HFM1: variants seen among roughly 807,000 people sequenced by gnomAD.
The protein encoded by HFM1 is probable ATP-dependent DNA helicase HFM1.
HFM1 carries 169 observed loss-of-function variants against 192.1 expected under a neutral mutation model. The ratio of observed to expected loss-of-function variants is 0.88; its 90% confidence interval spans 0.78 to 1.00. The LOEUF (loss-of-function observed/expected upper bound fraction) is 1.00. HFM1 is among the 50% of genes least tolerant of loss of function. The pLI is 0.00. For missense variants in HFM1, 1,661 were observed against 1,668.0 expected, an observed-to-expected ratio of 1.00 and a Z score of 0.07; for synonymous variants, 525 against 537.8, an observed-to-expected ratio of 0.98 and a Z score of 0.33.
chr1:91,300,142 A>T (rs1428310867), intron 30 of HFM1, among the ~76,000 whole-genome samples: 1 of 152,186 alleles, frequency 6.6e-6, no homozygotes, highest in East Asian at 1.9e-4. Flanking sequence ...ACCATCAGAG[A>T]ATACTATAAA....
rs558557477 is a variant in HFM1 at position 91,323,300 on chromosome 1, A to T, written c.2428-101T>A. Reference sequence around the variant, plus strand: ...ATTTTTCATACTGCCTTAAACCATCACAGTTTTATCAATGAACATAACAGA... The same window carrying T: ...ATTTTTCATACTGCCTTAAACCATCTCAGTTTTATCAATGAACATAACAGA... On this transcript the variant is annotated intron_variant, in intron 21 of 38. Coordinates refer to ENST00000370425, the MANE Select transcript of HFM1 (RefSeq NM_001017975.6). 27 of 709,764 alleles carry T rather than the reference A, an allele frequency of 3.8e-5. No individual in the cohort carries two copies. In the East Asian group the frequency reaches 7.2e-4, roughly 19 times the overall value. 44.0% of individuals were successfully genotyped at this position (709,764 alleles called of 1,614,324 possible).
rs1663647115 is a variant in HFM1 at position 91,396,296 on chromosome 1, A to G, written c.181T>C (p.Leu61=). 6.9e-7 allele frequency: 1 copy of G among 1,458,404 alleles called. No individual in the cohort carries two copies. Among genetic ancestry groups the G allele is most frequent in the Non-Finnish European group, 9.6e-7 (1 of 1,047,052 alleles). 90.3% of individuals were successfully genotyped at this position (1,458,404 alleles called of 1,614,324 possible). Reference sequence around the variant, plus strand: ...AAACAAATATGTGATAATTTACCTAACAGTTTATGACTTTCTAATTCTTCC... The same window carrying G: ...AAACAAATATGTGATAATTTACCTAGCAGTTTATGACTTTCTAATTCTTCC... The part of the protein sequence containing the change: ...LEEELESHKL[L]GQEKRPKMLT... The change falls in exon 3 of 39, where the codon TTA becomes CTA. Residue 61 remains leucine (L), a synonymous_variant. Transcript: ENST00000370425.
At chr1:91,374,494 A>G (rs1236956681) in intron 13 of HFM1, among the ~76,000 whole-genome samples, 1 of 152,198 alleles carries the variant, frequency 6.6e-6, no homozygotes, top group Non-Finnish European at 1.5e-5. Flanking sequence ...GGCAGTGTTG[A>G]TGGAGACAAA....
At chr1:91,387,300 C>T (rs282023) in intron 4 of HFM1, among the ~76,000 whole-genome samples, 132,717 of 151,240 alleles carry the variant, frequency 0.88, 58,282 homozygotes, top group Middle Eastern at 0.92. Flanking sequence ...TAGGAAGAGC[C>T]GACATCGAAG....
intron 30 of HFM1, among the ~76,000 whole-genome samples, chr1:91,287,018 G>C (rs1231589789): frequency 6.6e-6 from 1 of 152,064 alleles, no homozygotes; most frequent in African/African-American, 2.4e-5. Context: ...CTACGCCCAC[G>C]GAGTCTCGCT....
chr1:91,378,488 GA>G lies in HFM1; in HGVS notation c.1159-9del, dbSNP rs773246061. On this transcript the variant is annotated splice_polypyrimidine_tract_variant and intron_variant, in intron 9 of 38. Coordinates refer to ENST00000370425, the MANE Select transcript of HFM1 (RefSeq NM_001017975.6). ...CATGCTATCCCATTTTTCCTAGAGA[GA>G]AAAAAAAGCATACAAGTAGTTTAAT... The G allele has an allele frequency of 3.5e-5, 54 of 1,540,544 alleles. No homozygotes were observed. The highest frequency in any genetic ancestry group is 4.3e-5 in the Non-Finnish European group (48 of 1,123,110).
At chr1:91,356,152 A>G (rs1402023683) in intron 13 of HFM1, among the ~76,000 whole-genome samples, 3 of 152,232 alleles carry the variant, frequency 2.0e-5, no homozygotes. Flanking sequence ...AAAGAAACCA[A>G]AAGGGAAATT....
intron 2 of HFM1, among the ~76,000 whole-genome samples, chr1:91,398,141 G>C (rs954302827): frequency 1.2e-4 from 18 of 152,154 alleles, no homozygotes; most frequent in African/African-American, 4.3e-4. Flanking sequence ...AAGAACAGCA[G>C]TTTAGGTCTG....
At chr1:91,343,401 T>G (rs775059152) in intron 20 of HFM1, 29 bp downstream of exon 20, 1 of 1,102,836 alleles carries the variant, frequency 9.1e-7, no homozygotes, top group South Asian at 1.5e-5. Context: ...AAACAATTGC[T>G]AAATTTACTG....
chr1:91,370,174 G>A (rs757220667), intron 13 of HFM1, among the ~76,000 whole-genome samples: 1 of 152,186 alleles, frequency 6.6e-6, no homozygotes, highest in Non-Finnish European at 1.5e-5. Context: ...AGGAGGAGTT[G>A]TTACCATTCC....
chr1:91,314,070 A>C lies in HFM1; in HGVS notation c.3141-10T>G. 1 of 1,538,352 alleles carries C rather than the reference A, an allele frequency of 6.5e-7. No homozygotes were observed. Among genetic ancestry groups the C allele is most frequent in the South Asian group, 1.1e-5 (1 of 88,090 alleles). On this transcript the variant is annotated splice_polypyrimidine_tract_variant and intron_variant, in intron 28 of 38. Coordinates refer to ENST00000370425, the MANE Select transcript of HFM1 (RefSeq NM_001017975.6). ...TAGCAAAACAGAATCCCTGAAAAAT[A>C]GTATAGTTTAAATAGTGATCCAAAC...
intron 23 of HFM1, among the ~76,000 whole-genome samples, chr1:91,320,772 AC>A (rs1651972801): frequency 6.6e-6 from 1 of 152,066 alleles, no homozygotes; most frequent in African/African-American, 2.4e-5. Context: ...CTATGATCTT[AC>A]CCCTGAGCTT....
chr1:91,296,471 T>C (rs942782341), intron 30 of HFM1, among the ~76,000 whole-genome samples: 1 of 152,170 alleles, frequency 6.6e-6, no homozygotes, highest in African/African-American at 2.4e-5. Flanking sequence ...AATATGTTTT[T>C]CTTCAAGTTT....
chr1:91,407,195 T>TG (rs1186373648), upstream of HFM1, among the ~76,000 whole-genome samples: 2 of 149,752 alleles, frequency 1.3e-5, no homozygotes, highest in Non-Finnish European at 3.0e-5. Flanking sequence ...CTTCACACAC[T>TG]GGGGCCCGTT....
upstream of HFM1, among the ~76,000 whole-genome samples, chr1:91,407,408 T>C (rs1462037250): frequency 6.6e-6 from 1 of 152,180 alleles, no homozygotes; most frequent in Non-Finnish European, 1.5e-5. Context: ...TCTTTTCCCC[T>C]TTCCCTAATT....
At chr1:91,319,036 T>C (rs1209025846) in intron 25 of HFM1, 42 bp downstream of exon 25, 6 of 1,539,258 alleles carry the variant, frequency 3.9e-6, no homozygotes, top group Non-Finnish European at 4.4e-6. Flanking sequence ...ACAAAATAAA[T>C]TGCAGACATG....
At chr1:91,341,356 G>C (rs1413277945) in intron 20 of HFM1, among the ~76,000 whole-genome samples, 1 of 152,058 alleles carries the variant, frequency 6.6e-6, no homozygotes, top group Non-Finnish European at 1.5e-5. Context: ...ATGAACTTAA[G>C]GCAGAAATCA....
intron 30 of HFM1, among the ~76,000 whole-genome samples, chr1:91,286,829 G>A (rs764371583): frequency 5.9e-5 from 9 of 152,214 alleles, no homozygotes; most frequent in East Asian, 3.9e-4. Context: ...GAAGCAAGGC[G>A]AGGCGTTGCC....
intron 30 of HFM1, among the ~76,000 whole-genome samples, chr1:91,292,803 T>C (rs561227314): frequency 8.5e-5 from 13 of 152,164 alleles, no homozygotes; most frequent in Admixed American, 5.9e-4. Context: ...CTTCAAACTA[T>C]ACTACAAGGC....
Sources: allele counts gnomAD v4.1 joint callset (sites outside exome capture counted in the v4.1 genomes callset), GRCh38; gene constraint gnomAD v4.1.1; transcripts MANE v1.5; gene names NCBI Gene and HGNC (gene_info 2026-07-23, HGNC 2026-07-21).